ALDH1L2: variants seen among roughly 807,000 people sequenced by gnomAD.
ALDH1L2 encodes aldehyde dehydrogenase 1 family member L2, also known as mitochondrial 10-formyltetrahydrofolate dehydrogenase.
ALDH1L2 carries 91 observed loss-of-function variants against 111.0 expected under a neutral mutation model. The ratio of observed to expected loss-of-function variants is 0.82; its 90% CI spans 0.69 to 0.98. The LOEUF (loss-of-function observed/expected upper bound fraction) is 0.98. Among genes scored for constraint, ALDH1L2 ranks in the 50% least tolerant of loss-of-function variants. The pLI is 0.00. For synonymous variants in ALDH1L2, 374 were observed against 392.6 expected, an observed-to-expected ratio of 0.95 and a Z score of 0.56; for missense variants, 995 against 1,126.8, an observed-to-expected ratio of 0.88 and a Z score of 1.67.
intron 15 of ALDH1L2, among the ~76,000 whole-genome samples, chr12:105,042,200 G>A (rs1232949156): frequency 6.6e-6 from 1 of 152,020 alleles, no homozygotes; most frequent in East Asian, 1.9e-4. Context: ...ACCTTTATCC[G>A]ATATCTTAGG....
rs370890697 is a variant in ALDH1L2, at chr12:105,035,825, CTATA to C, written c.2146-1431_2146-1428del. Among the ~76,000 whole-genome samples, 298 of 62,930 alleles carry C rather than the reference CTATA, an allele frequency of 4.7e-3. 11 individuals are homozygous for C. The highest frequency in any genetic ancestry group is 0.015 in the African/African-American group (187 of 12,574). The allele number at this position is 62,930 out of a possible 152,430, so 41.3% of individuals were successfully genotyped here. The stretch of plus-strand genomic sequence containing the variant: ...CCTCCCTGGACTATATATAGTGTGT[CTATA>C]TATATATATATGTGTGTGTGTGTGT... On this transcript the variant is annotated intron_variant, in intron 18 of 22. Coordinates refer to ENST00000258494, the MANE Select transcript of ALDH1L2 (RefSeq NM_001034173.4).
intron 18 of ALDH1L2, among the ~76,000 whole-genome samples, 154 bp from the exon 19 acceptor site, chr12:105,034,552 T>G (rs1874877049): frequency 6.6e-6 from 1 of 152,224 alleles, no homozygotes. Context: ...TGATGAGAGC[T>G]TCTTGGAGAT....
Position 105,046,716 on chromosome 12 carries a change from T to C in ALDH1L2, c.1857A>G (p.Pro619=). Residue 619 remains proline, a synonymous_variant, in exon 15 of 23, where the codon CCA becomes CCG. Transcript: ENST00000258494. The stretch of plus-strand genomic sequence containing the variant: ...TGGCCCTTTGTGGCCTTACCTGTGC[T>C]GGCTTGAGCACTAAGGTATTGCCTG... ...LAAGNTLVLK[P]AQVTPLTALK... 2 of 1,614,106 alleles carry C rather than the reference T, an allele frequency of 1.2e-6. No homozygotes were observed. The highest frequency in any genetic ancestry group is 1.7e-6 in the Non-Finnish European group (2 of 1,179,966).
chr12:105,080,914 C>T (rs761490236), intron 1 of ALDH1L2, among the ~76,000 whole-genome samples: 14 of 152,234 alleles, frequency 9.2e-5, no homozygotes, highest in African/African-American at 2.9e-4. Context: ...GTTCTGTATC[C>T]GTGGATTCAA....
intron 10 of ALDH1L2, among the ~76,000 whole-genome samples, chr12:105,057,372 A>G (rs1024736950): frequency 1.3e-5 from 2 of 152,206 alleles, no homozygotes; most frequent in African/African-American, 4.8e-5. Flanking sequence ...AAAGTTAAAC[A>G]TAGAGTTACC....
chr12:105,072,044 C>T (rs1223554142), intron 2 of ALDH1L2, among the ~76,000 whole-genome samples: 1 of 151,164 alleles, frequency 6.6e-6, no homozygotes, highest in Non-Finnish European at 1.5e-5. Context: ...TATTATCGTG[C>T]CACTACGCTC....
Position 105,035,837 on chromosome 12 carries a change from ATATGTG to A in ALDH1L2, c.2146-1445_2146-1440del, listed in dbSNP as rs1362309978. Reference sequence around the variant, plus strand: ...ATATATAGTGTGTCTATATATATATATATGTGTGTGTGTGTGTGTGTGTGTGTGTAT... The same window carrying A: ...ATATATAGTGTGTCTATATATATATATGTGTGTGTGTGTGTGTGTGTGTAT... On this transcript the variant is annotated intron_variant, in intron 18 of 22. Coordinates refer to ENST00000258494, the MANE Select transcript of ALDH1L2 (RefSeq NM_001034173.4). Among the ~76,000 whole-genome samples the A allele has an allele frequency of 1.1e-4, 11 of 95,664 alleles. 1 individual carries two copies. The highest frequency in any genetic ancestry group is 8.5e-4 in the African/African-American group (11 of 12,882). 62.8% of individuals were successfully genotyped at this position (95,664 alleles called of 152,430 possible).
At chr12:105,049,037 A>T (rs1277556419) in intron 13 of ALDH1L2, among the ~76,000 whole-genome samples, 3 of 131,058 alleles carry the variant, frequency 2.3e-5, no homozygotes, top group Non-Finnish European at 3.4e-5. Flanking sequence ...CTCAAAAGAA[A>T]GAAAAAAAAA....
chr12:105,035,653 C>T (rs942202205), intron 18 of ALDH1L2, among the ~76,000 whole-genome samples: 3 of 151,888 alleles, frequency 2.0e-5, no homozygotes, highest in Non-Finnish European at 4.4e-5. Context: ...TCTCTAACCC[C>T]CTCATGAAAA....
chr12:105,064,797 C>G (rs1421244596), intron 6 of ALDH1L2, among the ~76,000 whole-genome samples: 1 of 152,202 alleles, frequency 6.6e-6, no homozygotes, highest in Non-Finnish European at 1.5e-5. Context: ...GCCCGCCTCT[C>G]CCGCCTCAGC....
Position 105,049,728 on chromosome 12 carries a change from T to G in ALDH1L2, c.1686+180A>C, listed in dbSNP as rs1876133068. 4 of 648,154 alleles carry G rather than the reference T, an allele frequency of 6.2e-6. No homozygotes were observed. The South Asian group carries it at 1.3e-4, about 20-fold the overall frequency. The allele number at this position is 648,154 out of a possible 1,614,324, so 40.2% of individuals were successfully genotyped here. On this transcript the variant is annotated intron_variant, in intron 13 of 22. Transcript: ENST00000258494. ...CCAGAACTGTAAGAGAATAAATTTC[T>G]GTTCTTTATAAATTACCTAGTCTCA...
intron 12 of ALDH1L2, among the ~76,000 whole-genome samples, chr12:105,051,832 T>C (rs936030378): frequency 1.3e-5 from 2 of 150,426 alleles, no homozygotes; most frequent in African/African-American, 4.9e-5. Context: ...TAGCACAGGC[T>C]GGAGTGCAGT....
chr12:105,026,882 T>G, intron 21 of ALDH1L2, 138 bp from the exon 22 acceptor site: 6 of 1,075,512 alleles, frequency 5.6e-6, no homozygotes, highest in South Asian at 4.7e-5. Flanking sequence ...TGTTGTTGTT[T>G]TTTAGAGGCC....
rs1324708498 is a variant in ALDH1L2 at position 105,058,160 on chromosome 12, A to G, written c.1200T>C (p.Tyr400=). ...TAAAGCCTTCAAACTTGGTGGCCAT[A>G]TAGACATCTTCATTCTGCAACTGAA... The part of the protein sequence containing the change: ...GGLQLQNEDV[Y]MATKFEGFIQ... Residue 400 remains tyrosine, a synonymous_variant, in exon 10 of 23, where the codon TAT becomes TAC. Transcript: ENST00000258494. The G allele has an allele frequency of 1.9e-6, 3 of 1,613,390 alleles. No individual in the cohort carries two copies. The highest frequency in any genetic ancestry group is 1.1e-5 in the South Asian group (1 of 90,868).
chr12:105,040,081 G>A (rs554627529), intron 16 of ALDH1L2, among the ~76,000 whole-genome samples: 16 of 135,654 alleles, frequency 1.2e-4, no homozygotes, highest in African/African-American at 3.7e-4. Flanking sequence ...GGCCAAGATC[G>A]CGCCTTTGCA....
At chr12:105,073,241 G>A (rs1877843373) in intron 2 of ALDH1L2, among the ~76,000 whole-genome samples, 1 of 152,162 alleles carries the variant, frequency 6.6e-6, no homozygotes, top group African/African-American at 2.4e-5. Context: ...CTTGCCCAAG[G>A]TCATACAGCT....
chr12:105,083,519 A>G (rs1282983006), intron 1 of ALDH1L2, among the ~76,000 whole-genome samples: 3 of 152,212 alleles, frequency 2.0e-5, no homozygotes, highest in Non-Finnish European at 4.4e-5. Flanking sequence ...ATCTGAATAT[A>G]TACATATGTA....
chr12:105,038,286 ACACACACACAC>A, intron 17 of ALDH1L2, 84 bp from the exon 18 acceptor site: 1 of 138,788 alleles, frequency 7.2e-6, no homozygotes, highest in Non-Finnish European at 1.2e-5. Flanking sequence ...ACAAACACAC[ACACACACACAC>A]ACACACACAC....
intron 2 of ALDH1L2, among the ~76,000 whole-genome samples, chr12:105,071,628 ATATATATATATATAT>A (rs1565972379): frequency 6.5e-5 from 1 of 15,308 alleles, no homozygotes; most frequent in Non-Finnish European, 1.1e-4. Context: ...ATATATATAT[ATATATATATATATAT>A]TTTTTTTTTT....
Sources: gnomAD v4.1 joint callset for allele counts (sites outside exome capture counted in the v4.1 genomes callset) on GRCh38, gnomAD v4.1.1 for gene constraint, MANE v1.5 for transcripts, NCBI Gene and HGNC (gene_info 2026-07-23, HGNC 2026-07-21) for gene names.